Variants in SLC24A4 observed in about 807,000 individuals in gnomAD.
SLC24A4 encodes solute carrier family 24 member 4, also known as sodium/potassium/calcium exchanger 4.
A neutral mutation model predicts 79.0 loss-of-function variants in SLC24A4; 53 were observed. That is an observed-to-expected ratio of 0.67 (90% confidence interval 0.54 to 0.84). The LOEUF is 0.84. SLC24A4 is among the 40% of genes least tolerant of loss of function. The pLI is 0.00. For missense variants in SLC24A4, 731 were observed against 822.0 expected, an observed-to-expected ratio of 0.89 and a Z score of 1.35; for synonymous variants, 323 against 323.8, an observed-to-expected ratio of 1.00 and a Z score of 0.03.
intron 2 of SLC24A4, among the ~76,000 whole-genome samples, chr14:92,394,077 T>C (rs549197433): frequency 6.6e-6 from 1 of 151,968 alleles, no homozygotes; most frequent in East Asian, 2.0e-4. Context: ...ACTCCTGGGC[T>C]CAAGTGATCC....
intron 2 of SLC24A4, among the ~76,000 whole-genome samples, chr14:92,420,543 T>C (rs1330433851): frequency 6.6e-6 from 1 of 152,146 alleles, no homozygotes; most frequent in Non-Finnish European, 1.5e-5. Context: ...AGAAACTCTA[T>C]TGTAAAAGCT....
At chr14:92,449,360 T>G in intron 10 of SLC24A4, 144 bp downstream of exon 10, 8 of 1,206,044 alleles carry the variant, frequency 6.6e-6, no homozygotes, top group Non-Finnish European at 6.9e-6. Context: ...TGTCACTCTC[T>G]TACCTTTGAC....
intron 12 of SLC24A4, among the ~76,000 whole-genome samples, chr14:92,475,570 T>C (rs1352668481): frequency 6.6e-6 from 1 of 152,180 alleles, no homozygotes; most frequent in Non-Finnish European, 1.5e-5. Flanking sequence ...TTAACGGCTT[T>C]TCAGAAGAGT....
At chr14:92,375,075 A>G (rs1888425925) in intron 2 of SLC24A4, among the ~76,000 whole-genome samples, 1 of 152,226 alleles carries the variant, frequency 6.6e-6, no homozygotes, top group Admixed American at 6.5e-5. Context: ...ATGATAAATT[A>G]AACCAAAGAC....
intron 10 of SLC24A4, chr14:92,450,159 C>T (rs1244116660): frequency 6.6e-6 from 1 of 152,354 alleles, no homozygotes; most frequent in East Asian, 1.9e-4. Context: ...CCCGCTTTCT[C>T]CATGGCCTGG....
rs1327074858 is a variant in SLC24A4 at position 92,492,175 on chromosome 14, G to A, written c.1651G>A (p.Val551Met). ...AGGGCACGTGTGTTTGATTTTCCAG[G>A]TGAAGATCAACAGCCGGGGGCTGGT... is the stretch of plus-strand genomic sequence containing the variant. ...QTMVVNYGST[V>M]KINSRGLVYS... is the part of the protein sequence containing the mutation. The change falls in exon 16 of 17, where the codon GTG becomes ATG. Residue 551 changes from valine to methionine, a missense_variant and splice_region_variant. Physicochemically the swap from Val to Met is conservative, Grantham distance 21. Transcript: ENST00000532405. 6.2e-7 allele frequency: 1 copy of A among 1,613,946 alleles called. No homozygotes were observed. Among genetic ancestry groups the A allele is most frequent in the East Asian group, 2.2e-5 (1 of 44,870 alleles).
intron 2 of SLC24A4, among the ~76,000 whole-genome samples, chr14:92,383,066 A>G (rs1888945341): frequency 1.3e-5 from 2 of 151,974 alleles, no homozygotes; most frequent in African/African-American, 4.8e-5. Context: ...ACCCCTGAGT[A>G]GTTGGCCGGC....
intron 2 of SLC24A4, among the ~76,000 whole-genome samples, chr14:92,335,529 AT>A (rs11399019): frequency 1.8e-4 from 26 of 147,234 alleles, no homozygotes; most frequent in Admixed American, 1.3e-3. Flanking sequence ...TAATTTTTGT[AT>A]TTTTTTTTTT....
intron 2 of SLC24A4, among the ~76,000 whole-genome samples, chr14:92,426,365 A>T (rs1891567726): frequency 1.3e-5 from 2 of 152,130 alleles, no homozygotes. Flanking sequence ...GAGAAGTACC[A>T]GGCGCTTTTG....
intron 2 of SLC24A4, among the ~76,000 whole-genome samples, chr14:92,358,885 C>T (rs1022449261): frequency 1.3e-5 from 2 of 151,866 alleles, no homozygotes; most frequent in Non-Finnish European, 2.9e-5. Flanking sequence ...AGGATTTCAC[C>T]ATGTTGGCCA....
intron 2 of SLC24A4, among the ~76,000 whole-genome samples, chr14:92,360,408 T>A (rs1253499219): frequency 6.6e-6 from 1 of 152,212 alleles, no homozygotes; most frequent in East Asian, 1.9e-4. Flanking sequence ...GCCCTGTGTG[T>A]TTTCTCTACT....
At chr14:92,379,939 C>T (rs912780122) in intron 2 of SLC24A4, among the ~76,000 whole-genome samples, 4 of 152,188 alleles carry the variant, frequency 2.6e-5, no homozygotes, top group African/African-American at 9.7e-5. Flanking sequence ...GTGTTGTCTT[C>T]GTGGCACTCA....
intron 2 of SLC24A4, among the ~76,000 whole-genome samples, chr14:92,412,776 C>T (rs1311249000): frequency 6.6e-6 from 1 of 152,110 alleles, no homozygotes; most frequent in Non-Finnish European, 1.5e-5. Flanking sequence ...CCCACCGCCT[C>T]ACCACCCTGC....
At chr14:92,370,667 G>T (rs917835852) in intron 2 of SLC24A4, among the ~76,000 whole-genome samples, 2 of 152,142 alleles carry the variant, frequency 1.3e-5, no homozygotes, top group African/African-American at 4.8e-5. Context: ...AGAAAGAGAA[G>T]ACAGGAAAAA....
At position 92,323,563 on chromosome 14, in the gene SLC24A4, C is replaced by G. The variant is rs1474204967; in HGVS notation, c.-268C>G. On this transcript the variant is annotated 5_prime_UTR_variant, in exon 1 of 17. Coordinates refer to ENST00000532405, the MANE Select transcript of SLC24A4 (RefSeq NM_153646.4). The surrounding 1 kb of genome is among the most constrained non-coding windows in gnomAD (Gnocchi z 4.9). Reference sequence around the variant, plus strand: ...GCCCGGGCCGCCAGCGCCACCGTGCCGGCGTCGCCTCCTCGCCACGGAGCC... The same window carrying G: ...GCCCGGGCCGCCAGCGCCACCGTGCGGGCGTCGCCTCCTCGCCACGGAGCC... 7.3e-6 allele frequency: 2 copies of G among 272,924 alleles called. No homozygotes were observed. Among genetic ancestry groups the G allele is most frequent in the African/African-American group, 4.5e-5 (2 of 44,812 alleles). 16.9% of individuals were successfully genotyped at this position (272,924 alleles called of 1,614,324 possible).
chr14:92,334,648 G>T (rs1885671517), intron 2 of SLC24A4, among the ~76,000 whole-genome samples: 1 of 152,142 alleles, frequency 6.6e-6, no homozygotes, highest in African/African-American at 2.4e-5. Flanking sequence ...TCTTGAAGAT[G>T]GTAGTTGGAC....
intron 2 of SLC24A4, among the ~76,000 whole-genome samples, chr14:92,349,356 C>T (rs1311905139): frequency 2.0e-5 from 3 of 152,166 alleles, no homozygotes; most frequent in Non-Finnish European, 2.9e-5. Flanking sequence ...GACAGGGTTT[C>T]GCCATGTTCA....
At position 92,365,145 on chromosome 14, in the gene SLC24A4, G is replaced by A. The variant is rs148777978; in HGVS notation, c.241+39167G>A. Among the ~76,000 whole-genome samples, 634 of 152,350 alleles carry A rather than the reference G, an allele frequency of 4.2e-3. 4 individuals are homozygous for A. The highest frequency in any genetic ancestry group is 0.014 in the African/African-American group (595 of 41,582). ...AAAGTCTGCCCAGCTCCCACTGCCCGGCTTCCTCAGGCCTGTCTCCAGAGC... is the reference window on the plus strand; with the variant it reads ...AAAGTCTGCCCAGCTCCCACTGCCCAGCTTCCTCAGGCCTGTCTCCAGAGC... On this transcript the variant is annotated intron_variant, in intron 2 of 16. Transcript: ENST00000532405.
intron 2 of SLC24A4, among the ~76,000 whole-genome samples, chr14:92,332,342 C>CTT (rs1885530266): frequency 6.6e-6 from 1 of 152,102 alleles, no homozygotes; most frequent in African/African-American, 2.4e-5. Context: ...ATCAGTAAGG[C>CTT]TTCTGGTCAA....
Sources: gnomAD v4.1 joint callset for allele counts (sites outside exome capture counted in the v4.1 genomes callset) on GRCh38, gnomAD v4.1.1 for gene constraint, Gnocchi (gnomAD v3.1) non-coding constraint, MANE v1.5 for transcripts, NCBI Gene and HGNC (gene_info 2026-07-23, HGNC 2026-07-21) for gene names.